Variants in MAS1 observed in about 807,000 individuals in gnomAD.
MAS1 encodes the protein proto-oncogene Mas.
For synonymous variants in MAS1, 163 were observed against 164.2 expected (o/e 0.99, Z 0.05); for missense variants, 387 against 409.7 (o/e 0.94, Z 0.48).
At position 159,913,832 on chromosome 6, in the gene MAS1, A is replaced by G. The variant is rs533617752; in HGVS notation, c.*5899A>G. ...AATTTCACTTTTTTCATGATTTTCT[A>G]TGAAATTTTGGTCCTCATTTTAACA... On this transcript the variant is annotated 3_prime_UTR_variant, in exon 3 of 3. Transcript: ENST00000674077. The G allele has an allele frequency of 6.6e-6, 1 of 152,376 alleles. No individual in the cohort carries two copies. The highest frequency in any genetic ancestry group is 2.1e-4 in the South Asian group (1 of 4,834). The allele number at this position is 152,376 out of a possible 1,614,324, so 9.4% of individuals were successfully genotyped here.
Position 159,914,631 on chromosome 6 carries a change from G to C in MAS1, c.*6698G>C, listed in dbSNP as rs1783000472. The C allele has an allele frequency of 6.6e-6, 1 of 152,408 alleles. No homozygotes were observed. Among genetic ancestry groups the C allele is most frequent in the East Asian group, 1.9e-4 (1 of 5,186 alleles). The allele number at this position is 152,408 out of a possible 1,614,324, so 9.4% of individuals were successfully genotyped here. The stretch of plus-strand genomic sequence containing the variant: ...TGCAGCCAGGGATTTGGACCTCCCT[G>C]TGGATTGTGCCAGCCAGTCCCTTCA... On this transcript the variant is annotated 3_prime_UTR_variant, in exon 3 of 3. Transcript: ENST00000674077.
At chr6:159,903,388 A>G (rs1023789510) in intron 2 of MAS1, among the ~76,000 whole-genome samples, 2 of 152,188 alleles carry the variant, frequency 1.3e-5, no homozygotes, top group African/African-American at 2.4e-5. Flanking sequence ...ACTAAGCCGT[A>G]GAGAAGCACA....
At chr6:159,902,832 T>C (rs220727) in intron 2 of MAS1, among the ~76,000 whole-genome samples, 41,870 of 151,958 alleles carry the variant, frequency 0.28, 6,715 homozygotes, top group East Asian at 0.77. Flanking sequence ...CCCAAATTCC[T>C]TGACGATTTC....
In MAS1 at chr6:159,907,326, C is replaced by G. The variant is rs142220585; in HGVS notation, c.371C>G (p.Thr124Arg). ...FGYNTGLYLL[T>R]AISVERCLSV... ...TACAACACGGGCCTCTATCTGCTGA[C>G]GGCCATTAGTGTGGAGAGGTGCCTG... is the stretch of plus-strand genomic sequence containing the variant. Residue 124 changes from threonine to arginine, a missense_variant, in exon 3 of 3, where the codon ACG becomes AGG. Thr to Arg is a moderately conservative substitution (Grantham distance 71, BLOSUM62 -1). Coordinates refer to ENST00000674077, the MANE Select transcript of MAS1 (RefSeq NM_002377.4). 2 of 1,614,066 alleles carry G rather than the reference C, an allele frequency of 1.2e-6. No individual in the cohort carries two copies. The highest frequency in any genetic ancestry group is 1.7e-6 in the Non-Finnish European group (2 of 1,180,040).
chr6:159,906,454 G>A (rs773645357), intron 2 of MAS1, among the ~76,000 whole-genome samples: 14 of 152,224 alleles, frequency 9.2e-5, no homozygotes, highest in Admixed American at 6.5e-5. Context: ...AATGACAGTG[G>A]CAGCATTGCC....
chr6:159,891,792 T>C (rs1782701807), intron 1 of MAS1, among the ~76,000 whole-genome samples: 1 of 152,138 alleles, frequency 6.6e-6, no homozygotes, highest in Non-Finnish European at 1.5e-5. Context: ...AGTAATTTGG[T>C]GAGAGAATGT....
chr6:159,891,285 G>C (rs1782696875), intron 1 of MAS1, among the ~76,000 whole-genome samples, 152 bp downstream of exon 1: 1 of 152,128 alleles, frequency 6.6e-6, no homozygotes, highest in Non-Finnish European at 1.5e-5. Flanking sequence ...TTTGCCGTTG[G>C]TGTGTGTTGG....
At chr6:159,903,429 C>T (rs996101849) in intron 2 of MAS1, among the ~76,000 whole-genome samples, 16 of 152,142 alleles carry the variant, frequency 1.1e-4, no homozygotes, top group Admixed American at 5.2e-4. Context: ...CCCAGGTTCC[C>T]GAGCACTAAG....
chr6:159,896,381 T>C (rs1450912071), intron 1 of MAS1, among the ~76,000 whole-genome samples: 1 of 152,160 alleles, frequency 6.6e-6, no homozygotes, highest in Non-Finnish European at 1.5e-5. Context: ...GAGTATATAC[T>C]GACATGAGTA....
At chr6:159,904,245 G>A (rs1782855456) in intron 2 of MAS1, among the ~76,000 whole-genome samples, 1 of 151,786 alleles carries the variant, frequency 6.6e-6, no homozygotes, top group South Asian at 2.1e-4. Context: ...CTCTCATCTT[G>A]CCTCACAGAT....
chr6:159,907,970 C>A lies in MAS1; in HGVS notation c.*37C>A. ...GAAGTTGTGGATAAAAATGGTGGAA[C>A]ACAGGTCATTTTTAGTTTGTGCTTG... On this transcript the variant is annotated 3_prime_UTR_variant, in exon 3 of 3. Coordinates refer to ENST00000674077, the MANE Select transcript of MAS1 (RefSeq NM_002377.4). 6.5e-7 allele frequency: 1 copy of A among 1,545,056 alleles called. No homozygotes were observed. Among genetic ancestry groups the A allele is most frequent in the Non-Finnish European group, 8.7e-7 (1 of 1,147,972 alleles).
rs780491597 is a variant in MAS1 at position 159,898,489 on chromosome 6, A to ACTCCTC, written c.-243-670_-243-665dup. 4.6e-3 allele frequency among the ~76,000 whole-genome samples: 574 copies of ACTCCTC among 125,072 alleles called. 3 individuals are homozygous for ACTCCTC. The highest frequency in any genetic ancestry group is 0.012 in the East Asian group (50 of 4,006). 82.1% of individuals were successfully genotyped at this position (125,072 alleles called of 152,430 possible). A position where few individuals can be genotyped will look rare whatever the true frequency, so the allele number is the denominator to read the frequency against. ...GGTTTGGTAGAACAGTGATTTCCAG[A>ACTCCTC]CTCCTCCTCCTCCTCCTCCTCCTCC... On this transcript the variant is annotated intron_variant, in intron 1 of 2. Transcript: ENST00000674077.
At chr6:159,892,753 C>T (rs1256604181) in intron 1 of MAS1, among the ~76,000 whole-genome samples, 1 of 152,160 alleles carries the variant, frequency 6.6e-6, no homozygotes, top group African/African-American at 2.4e-5. Context: ...TCTGCAAAGC[C>T]CACATCCTTA....
intron 2 of MAS1, among the ~76,000 whole-genome samples, chr6:159,905,328 T>A (rs1386049111): frequency 6.6e-6 from 1 of 152,246 alleles, no homozygotes; most frequent in East Asian, 1.9e-4. Context: ...TGACAGGGCA[T>A]GCGAGCTCTC....
chr6:159,901,321 T>G (rs929706591), intron 2 of MAS1, among the ~76,000 whole-genome samples: 5 of 152,192 alleles, frequency 3.3e-5, no homozygotes, highest in Non-Finnish European at 5.9e-5. Flanking sequence ...GATAGAATTT[T>G]AACTCTGAGG....
chr6:159,902,320 T>C, intron 2 of MAS1: 1 of 152,192 alleles, frequency 6.6e-6, no homozygotes, highest in Non-Finnish European at 1.5e-5. Context: ...TTGCCATGGC[T>C]GTCTACCTGT....
intron 1 of MAS1, among the ~76,000 whole-genome samples, chr6:159,896,293 T>C (rs1410283398): frequency 1.3e-5 from 2 of 152,158 alleles, no homozygotes; most frequent in Non-Finnish European, 2.9e-5. Context: ...AGACCCTGTC[T>C]CAAAATTATA....
rs77858805 is a variant in MAS1 at position 159,901,038 on chromosome 6, G to A, written c.-37+1646G>A. ...GAGGCACCGTCAGGGCTGGTCTGGT[G>A]AGGGCTTTCCTCCTGGTTTGCAGAA... On this transcript the variant is annotated intron_variant, in intron 2 of 2. Coordinates refer to ENST00000674077, the MANE Select transcript of MAS1 (RefSeq NM_002377.4). 3.7e-3 allele frequency among the ~76,000 whole-genome samples: 564 copies of A among 152,298 alleles called. 1 individual carries two copies. The highest frequency in any genetic ancestry group is 4.9e-3 in the Non-Finnish European group (332 of 68,016).
At chr6:159,906,605 G>A (rs1372351029) in intron 2 of MAS1, 4 of 207,896 alleles carry the variant, frequency 1.9e-5, no homozygotes, top group Non-Finnish European at 3.9e-5. Context: ...CCCGCACAGG[G>A]CACTCGGCCA....
Sources: gnomAD v4.1 joint callset for allele counts (sites outside exome capture counted in the v4.1 genomes callset) on GRCh38, gnomAD v4.1.1 for gene constraint, MANE v1.5 for transcripts, NCBI Gene and HGNC (gene_info 2026-07-23, HGNC 2026-07-21) for gene names.